UGCG: variants seen among roughly 807,000 people sequenced by gnomAD.
UGCG encodes ceramide glucosyltransferase.
A neutral mutation model predicts 49.5 loss-of-function variants in UGCG; 10 were observed. The ratio of observed to expected loss-of-function variants is 0.20; its 90% confidence interval spans 0.12 to 0.34. The LOEUF is 0.34. Among genes scored for constraint, UGCG ranks in the 10% least tolerant of loss-of-function variants. The pLI, the probability that UGCG is intolerant of heterozygous loss-of-function variation, is 1.00. For missense variants in UGCG, 312 were observed against 483.7 expected, an observed-to-expected ratio of 0.65 and a Z score of 3.33; for synonymous variants, 182 against 158.2, an observed-to-expected ratio of 1.15 and a Z score of -1.13.
chr9:111,932,050 G>A (rs1838435915), intron 7 of UGCG, 120 bp from the exon 8 acceptor site: 7 of 1,042,936 alleles, frequency 6.7e-6, no homozygotes, highest in South Asian at 3.4e-5. Flanking sequence ...AACAAAAAAA[G>A]TTTAAAGAGA....
chr9:111,928,044 G>A (rs951005672), intron 5 of UGCG, among the ~76,000 whole-genome samples: 1 of 152,088 alleles, frequency 6.6e-6, no homozygotes, highest in Admixed American at 6.5e-5. Flanking sequence ...AATGTTATAA[G>A]GACAGATATG....
intron 1 of UGCG, among the ~76,000 whole-genome samples, chr9:111,911,905 G>GATAT (rs200468304): frequency 3.5e-4 from 28 of 79,094 alleles, no homozygotes; most frequent in Non-Finnish European, 5.1e-4. Context: ...TATTCAACAG[G>GATAT]ATATATATAT....
In UGCG at chr9:111,897,114, C is replaced by A; in HGVS notation, c.-102C>A. The A allele has an allele frequency of 1.1e-6, 1 of 927,366 alleles. No homozygotes were observed. Among genetic ancestry groups the A allele is most frequent in the Non-Finnish European group, 1.6e-6 (1 of 640,202 alleles). 57.4% of individuals were successfully genotyped at this position (927,366 alleles called of 1,614,324 possible). On this transcript the variant is annotated 5_prime_UTR_variant, in exon 1 of 9. Transcript: ENST00000374279. Reference sequence around the variant, plus strand: ...TTTCCTCTCCCCACCTTCCTCTCGCCTCCCGCGCCCCCGCACCGGGCGCCC... The same window carrying A: ...TTTCCTCTCCCCACCTTCCTCTCGCATCCCGCGCCCCCGCACCGGGCGCCC...
In UGCG at chr9:111,929,873, C is replaced by T. The variant is rs560274839; in HGVS notation, c.737+195C>T. Among the ~76,000 whole-genome samples, 295 of 152,240 alleles carry T rather than the reference C, an allele frequency of 1.9e-3. 2 individuals carry two copies. Among genetic ancestry groups the T allele is most frequent in the Admixed American group, 6.0e-3 (91 of 15,270 alleles). ...TTGCTCTGTCACCTAGGCTGGAGTG[C>T]AGTGGCGCGATCTTGGCTCACTGTA... On this transcript the variant is annotated intron_variant, in intron 6 of 8. Coordinates refer to ENST00000374279, the MANE Select transcript of UGCG (RefSeq NM_003358.3).
At chr9:111,901,091 C>T (rs371782772) in intron 1 of UGCG, among the ~76,000 whole-genome samples, 6 of 152,278 alleles carry the variant, frequency 3.9e-5, no homozygotes, top group African/African-American at 1.2e-4. Context: ...TCTGGGATTA[C>T]GGGCGTGAGC....
chr9:111,925,083 GT>G (rs1456123500), intron 4 of UGCG, among the ~76,000 whole-genome samples: 2 of 152,038 alleles, frequency 1.3e-5, no homozygotes, highest in Non-Finnish European at 2.9e-5. Flanking sequence ...GTATTAAAAT[GT>G]TTTCATTTTG....
chr9:111,924,726 A>G, intron 3 of UGCG, 51 bp from the exon 4 acceptor site: 5 of 971,154 alleles, frequency 5.1e-6, no homozygotes, highest in Non-Finnish European at 7.5e-6. Flanking sequence ...ATACTATAAA[A>G]TATTTTTAAT....
At chr9:111,898,841 A>G (rs1161688255) in intron 1 of UGCG, among the ~76,000 whole-genome samples, 1 of 152,116 alleles carries the variant, frequency 6.6e-6, no homozygotes, top group Non-Finnish European at 1.5e-5. Flanking sequence ...GGGAAGAGAG[A>G]AAAGGACTAT....
chr9:111,916,745 C>T (rs369287206), intron 2 of UGCG, among the ~76,000 whole-genome samples: 1 of 151,188 alleles, frequency 6.6e-6, no homozygotes, highest in African/African-American at 2.4e-5. Flanking sequence ...GGATTACAGA[C>T]ATGAGCCACC....
chr9:111,926,861 CTTTTTTTTTTTT>C (rs56298523), intron 5 of UGCG, among the ~76,000 whole-genome samples: 154 of 56,862 alleles, frequency 2.7e-3, no homozygotes, highest in African/African-American at 8.3e-3. Context: ...TCCCCCCAGC[CTTTTTTTTTTTT>C]TTTTTTTTTT....
intron 1 of UGCG, among the ~76,000 whole-genome samples, chr9:111,902,147 C>T (rs2131713516): frequency 6.6e-6 from 1 of 152,156 alleles, no homozygotes; most frequent in Middle Eastern, 3.4e-3. Context: ...TAATTAACTC[C>T]TACTCGTTCA....
At chr9:111,926,541 C>A in intron 5 of UGCG, 45 bp downstream of exon 5, 3 of 1,425,532 alleles carry the variant, frequency 2.1e-6, no homozygotes, top group South Asian at 1.4e-5. Flanking sequence ...TCAGACCCCT[C>A]ATTTCCCAGA....
chr9:111,920,295 A>G (rs1838196770), intron 2 of UGCG, among the ~76,000 whole-genome samples: 1 of 152,158 alleles, frequency 6.6e-6, no homozygotes, highest in South Asian at 2.1e-4. Context: ...TTGACAAAAA[A>G]TCTTATTAGC....
chr9:111,907,687 C>T (rs1245264348), intron 1 of UGCG, among the ~76,000 whole-genome samples: 5 of 148,172 alleles, frequency 3.4e-5, no homozygotes, highest in South Asian at 2.1e-4. Flanking sequence ...TGCAGTGGTG[C>T]GATCTTGGCT....
At chr9:111,909,693 T>C (rs1231439105) in intron 1 of UGCG, among the ~76,000 whole-genome samples, 1 of 152,270 alleles carries the variant, frequency 6.6e-6, no homozygotes, top group Non-Finnish European at 1.5e-5. Flanking sequence ...TACCACTGTG[T>C]GCTGAGCCTA....
At position 111,930,875 on chromosome 9, in the gene UGCG, T is replaced by C. The variant is rs760679892; in HGVS notation, c.738-396T>C. On this transcript the variant is annotated intron_variant, in intron 6 of 8. Transcript: ENST00000374279. ...ACAAATTCTGTCATGATTGTGTTCA[T>C]GTGGTTCATGGTTTCCTAGTGTCTC... Among the ~76,000 whole-genome samples, 3 of 152,400 alleles carry C rather than the reference T, an allele frequency of 2.0e-5. No individual in the cohort carries two copies. The South Asian group carries it at 6.2e-4, about 32-fold the overall frequency.
chr9:111,918,452 T>C (rs748034426), intron 2 of UGCG, among the ~76,000 whole-genome samples: 3 of 152,248 alleles, frequency 2.0e-5, no homozygotes, highest in East Asian at 1.9e-4. Flanking sequence ...TCTGATACTT[T>C]AGAAAATACT....
At chr9:111,917,278 A>G (rs1177654639) in intron 2 of UGCG, among the ~76,000 whole-genome samples, 3 of 152,250 alleles carry the variant, frequency 2.0e-5, no homozygotes, top group Non-Finnish European at 2.9e-5. Flanking sequence ...CCTGCAATCT[A>G]AGGGAAATAT....
intron 5 of UGCG, chr9:111,929,270 C>T: frequency 2.1e-4 from 75 of 365,480 alleles, no homozygotes; most frequent in South Asian, 6.3e-4. Flanking sequence ...ATATTTTTAC[C>T]TTATTTTGTA....
Sources: gnomAD v4.1 joint callset for allele counts (sites outside exome capture counted in the v4.1 genomes callset) on GRCh38, gnomAD v4.1.1 for gene constraint, MANE v1.5 for transcripts, NCBI Gene and HGNC (gene_info 2026-07-23, HGNC 2026-07-21) for gene names.